The following CLEC16A variants were observed in gnomAD, a reference collection of about 807,000 sequenced individuals.
CLEC16A encodes the protein protein CLEC16A.
In CLEC16A, 51 loss-of-function variants were observed where a neutral mutation model predicts 109.5. That is an observed-to-expected ratio of 0.47 (90% CI 0.37 to 0.59). The LOEUF (loss-of-function observed/expected upper bound fraction) is 0.59, where lower values mean the gene tolerates loss of function less well. Among genes scored for constraint, CLEC16A ranks in the 20% least tolerant of loss-of-function variants. The probability of loss-of-function intolerance (pLI) is 0.00; values close to 1 mark genes in which losing one functional copy is unlikely to be tolerated. For missense variants in CLEC16A, 1,339 were observed against 1,394.0 expected, an observed-to-expected ratio of 0.96 and a Z score of 0.63; for synonymous variants, 673 against 564.2, an observed-to-expected ratio of 1.19 and a Z score of -2.73.
intron 11 of CLEC16A, among the ~76,000 whole-genome samples, chr16:11,016,591 C>T (rs1013039218): frequency 2.0e-5 from 3 of 152,144 alleles, no homozygotes; most frequent in Non-Finnish European, 4.4e-5. Flanking sequence ...TTGCCTCAGC[C>T]TCCCAAAATG....
rs557145251 is a variant in CLEC16A at position 10,951,722 on chromosome 16, A to G, written c.81-6060A>G. On this transcript the variant is annotated intron_variant, in intron 1 of 23. Transcript: ENST00000409790. ...TTTGAGAAAACACGTTGTCATTCTA[A>G]CAGTGGTTATCATTGTAAGAGAAAC... Among the ~76,000 whole-genome samples, 4 of 152,362 alleles carry G rather than the reference A, an allele frequency of 2.6e-5. No homozygotes were observed. The South Asian group carries it at 8.3e-4, about 32-fold the overall frequency.
chr16:11,165,778 C>A, intron 22 of CLEC16A, among the ~76,000 whole-genome samples: 1 of 152,158 alleles, frequency 6.6e-6, no homozygotes, highest in Admixed American at 6.5e-5. Context: ...GCAGACTCCA[C>A]CTCCAGGTCC....
In CLEC16A at chr16:11,178,745, G is replaced by C; in HGVS notation, c.*55G>C. On this transcript the variant is annotated 3_prime_UTR_variant, in exon 24 of 24. Transcript: ENST00000409790. This position sits in a 1 kb window ranked among gnomAD's most constrained non-coding sequence, Gnocchi z 6.5. Reference sequence around the variant, plus strand: ...TGGCCCCGCTGGTAGGGACCCCAGTGCCGCTGACTGGCAAGACACACTGGG... The same window carrying C: ...TGGCCCCGCTGGTAGGGACCCCAGTCCCGCTGACTGGCAAGACACACTGGG... 1 of 1,339,170 alleles carries C rather than the reference G, an allele frequency of 7.5e-7. No individual in the cohort carries two copies. Among genetic ancestry groups the C allele is most frequent in the South Asian group, 1.5e-5 (1 of 65,992 alleles). 83.0% of individuals were successfully genotyped at this position (1,339,170 alleles called of 1,614,324 possible). A position where few individuals can be genotyped will look rare whatever the true frequency, so the allele number is the denominator to read the frequency against.
chr16:10,958,926 T>C lies in CLEC16A; in HGVS notation c.209+1016T>C, dbSNP rs573779906. On this transcript the variant is annotated intron_variant, in intron 2 of 23. Coordinates refer to ENST00000409790, the MANE Select transcript of CLEC16A (RefSeq NM_015226.3). ...CTCAAAAAAAAAATAGCAAGGGCTG[T>C]TAACTGTGAACTACCTCCCTAATAG... 5.3e-5 allele frequency among the ~76,000 whole-genome samples: 8 copies of C among 151,954 alleles called. No homozygotes were observed. In the South Asian group the frequency reaches 1.3e-3, roughly 24 times the overall value.
chr16:10,951,181 A>G (rs2041711868), intron 1 of CLEC16A, among the ~76,000 whole-genome samples: 1 of 152,062 alleles, frequency 6.6e-6, no homozygotes, highest in South Asian at 2.1e-4. Flanking sequence ...TCTCTTCTCC[A>G]GGCATTTCAA....
At chr16:11,119,927 TTGGA>T (rs1333463585) in intron 19 of CLEC16A, among the ~76,000 whole-genome samples, 1 of 151,178 alleles carries the variant, frequency 6.6e-6, no homozygotes, top group Non-Finnish European at 1.5e-5. Context: ...AGTTTCTTTC[TTGGA>T]TTGCTGATTG....
chr16:10,989,231 T>G (rs1425505502), intron 10 of CLEC16A, among the ~76,000 whole-genome samples: 2 of 10,886 alleles, frequency 1.8e-4, no homozygotes, highest in East Asian at 0.016. Flanking sequence ...TGTTTTTTGT[T>G]TTTTTTTGAG....
intron 23 of CLEC16A, among the ~76,000 whole-genome samples, chr16:11,173,257 C>T (rs1445146831): frequency 6.6e-6 from 1 of 152,168 alleles, no homozygotes; most frequent in African/African-American, 2.4e-5. Flanking sequence ...ATACGGGTAA[C>T]ATAAACTACC....
intron 11 of CLEC16A, among the ~76,000 whole-genome samples, chr16:11,019,444 T>G (rs1391658425): frequency 1.3e-5 from 2 of 152,108 alleles, no homozygotes; most frequent in African/African-American, 4.8e-5. Context: ...ACAAAAGGCT[T>G]CAGTCACATC....
At chr16:11,050,352 C>T (rs9302458) in intron 17 of CLEC16A, among the ~76,000 whole-genome samples, 2 of 152,088 alleles carry the variant, frequency 1.3e-5, no homozygotes, top group South Asian at 2.1e-4. Flanking sequence ...ACCATAGCAC[C>T]AGGTATCTGG....
At chr16:11,118,380 C>G (rs1287147638) in intron 19 of CLEC16A, among the ~76,000 whole-genome samples, 5 of 152,034 alleles carry the variant, frequency 3.3e-5, no homozygotes, top group African/African-American at 1.2e-4. Flanking sequence ...GACGTTAATT[C>G]TCATTTTACA....
At chr16:10,989,923 G>T (rs76571466) in intron 10 of CLEC16A, among the ~76,000 whole-genome samples, 5 of 152,178 alleles carry the variant, frequency 3.3e-5, no homozygotes, top group Non-Finnish European at 5.9e-5. Flanking sequence ...CGAGTCTCCC[G>T]TGTGCTGAAT....
At chr16:10,953,156 A>G (rs894486782) in intron 1 of CLEC16A, among the ~76,000 whole-genome samples, 1 of 152,258 alleles carries the variant, frequency 6.6e-6, no homozygotes, top group African/African-American at 2.4e-5. Context: ...CAGTAATCAG[A>G]CAGTATGGTC....
At chr16:10,965,652 G>A (rs2146205864) in intron 3 of CLEC16A, among the ~76,000 whole-genome samples, 1 of 152,314 alleles carries the variant, frequency 6.6e-6, no homozygotes, top group Middle Eastern at 3.4e-3. Flanking sequence ...TGCCTGTTGG[G>A]GTTAGTGACC....
chr16:11,101,500 C>T (rs1197931728), intron 19 of CLEC16A, among the ~76,000 whole-genome samples: 1 of 152,224 alleles, frequency 6.6e-6, no homozygotes, highest in Non-Finnish European at 1.5e-5. Context: ...CTTGTTCATT[C>T]TGTTTTCTCC....
intron 22 of CLEC16A, among the ~76,000 whole-genome samples, chr16:11,132,579 T>C (rs1248398153): frequency 6.6e-6 from 1 of 152,224 alleles, no homozygotes; most frequent in African/African-American, 2.4e-5. Flanking sequence ...GGTATATACC[T>C]AGGAGTAAAA....
At chr16:11,091,337 A>T (rs2050292807) in intron 19 of CLEC16A, among the ~76,000 whole-genome samples, 1 of 152,276 alleles carries the variant, frequency 6.6e-6, no homozygotes, top group African/African-American at 2.4e-5. Context: ...CACTTGATGA[A>T]GAAGCCTTAC....
intron 22 of CLEC16A, among the ~76,000 whole-genome samples, chr16:11,162,653 C>G (rs2054765045): frequency 6.6e-6 from 1 of 152,268 alleles, no homozygotes; most frequent in Middle Eastern, 3.4e-3. Context: ...AACCTTTTTT[C>G]ATTGACTCCA....
At chr16:11,136,349 A>C (rs1222116492) in intron 22 of CLEC16A, 1 of 152,246 alleles carries the variant, frequency 6.6e-6, no homozygotes, top group Non-Finnish European at 1.5e-5. Context: ...AATGGGATAC[A>C]AGTGTCACCT....
Sources: allele counts gnomAD v4.1 joint callset (sites outside exome capture counted in the v4.1 genomes callset), GRCh38; gene constraint gnomAD v4.1.1; non-coding constraint Gnocchi (gnomAD v3.1); transcripts MANE v1.5; gene names NCBI Gene and HGNC (gene_info 2026-07-23, HGNC 2026-07-21).